Variants in C2CD3 observed in about 807,000 individuals in gnomAD.
C2CD3 encodes C2 domain containing 3 centriole elongation regulator.
In C2CD3, 148 loss-of-function variants were observed where a neutral mutation model predicts 234.0. That is an observed-to-expected ratio of 0.63 (90% CI 0.55 to 0.72). C2CD3 has a LOEUF of 0.72. Among genes scored for constraint, C2CD3 ranks in the 30% least tolerant of loss-of-function variants. The pLI, the probability that C2CD3 is intolerant of heterozygous loss-of-function variation, is 0.00. For synonymous variants in C2CD3, 1,000 were observed against 1,035.4 expected (o/e 0.97, Z 0.66); for missense variants, 2,577 against 2,811.5 (o/e 0.92, Z 1.89).
chr11:74,160,415 AT>A (rs1488764185), intron 3 of C2CD3, among the ~76,000 whole-genome samples: 17 of 152,174 alleles, frequency 1.1e-4, no homozygotes, highest in African/African-American at 4.1e-4. Flanking sequence ...ATAAAAAAGA[AT>A]GAAATCCTGC....
chr11:74,133,752 A>G (rs1957759299), intron 5 of C2CD3, 195 bp from the exon 6 acceptor site: 4 of 588,960 alleles, frequency 6.8e-6, no homozygotes, highest in South Asian at 2.1e-5. Flanking sequence ...TCTACTGTGC[A>G]CTGTTTTAGA....
chr11:74,170,691 C>T (rs749849375), intron 1 of C2CD3, 47 bp downstream of exon 1: 2 of 1,611,580 alleles, frequency 1.2e-6, no homozygotes, highest in Admixed American at 1.7e-5. Flanking sequence ...TTCCTTACAC[C>T]CTGCTCTCCT....
intron 8 of C2CD3, among the ~76,000 whole-genome samples, chr11:74,122,518 G>T (rs1327020602): frequency 6.6e-6 from 1 of 152,154 alleles, no homozygotes; most frequent in Non-Finnish European, 1.5e-5. Flanking sequence ...AGAGCATAAG[G>T]CTTGATAGAA....
intron 26 of C2CD3, among the ~76,000 whole-genome samples, chr11:74,050,712 TTTG>T (rs1953634335): frequency 3.4e-5 from 5 of 147,338 alleles, no homozygotes; most frequent in African/African-American, 1.4e-4. Flanking sequence ...ATAACATTTG[TTTG>T]GACAGCTTGC....
chr11:74,140,164 C>T (rs1275238377), intron 3 of C2CD3, among the ~76,000 whole-genome samples: 2 of 151,828 alleles, frequency 1.3e-5, no homozygotes, highest in Non-Finnish European at 2.9e-5. Context: ...AAGGAATGTC[C>T]CCCATTCCTT....
intron 5 of C2CD3, 148 bp downstream of exon 5, chr11:74,138,572 G>T: frequency 1.5e-6 from 1 of 646,400 alleles, no homozygotes; most frequent in Non-Finnish European, 2.7e-6. Context: ...TCTTTAAATG[G>T]TGTGAGATGC....
At position 74,090,954 on chromosome 11, in the gene C2CD3, A is replaced by G; in HGVS notation, c.3518-18T>C. 6.2e-7 allele frequency: 1 copy of G among 1,612,646 alleles called. No homozygotes were observed. On this transcript the variant is annotated intron_variant, in intron 19 of 32. Coordinates refer to ENST00000334126, the MANE Select transcript of C2CD3 (RefSeq NM_001286577.2). ...CAGTAAACCTGAAGAATGAGGACAC[A>G]AGGAAAGAAGGTTGGTCAGAAGAAT... is the stretch of plus-strand genomic sequence containing the variant.
chr11:74,081,926 C>A (rs190554443), intron 22 of C2CD3, among the ~76,000 whole-genome samples: 1 of 152,224 alleles, frequency 6.6e-6, no homozygotes, highest in Non-Finnish European at 1.5e-5. Context: ...ATCATGTCAT[C>A]TGCAAACAGG....
chr11:74,132,549 T>C (rs1957710647), intron 7 of C2CD3, among the ~76,000 whole-genome samples: 1 of 152,220 alleles, frequency 6.6e-6, no homozygotes, highest in African/African-American at 2.4e-5. Context: ...GAATTTCCAC[T>C]TGTATCTGTT....
intron 3 of C2CD3, 63 bp downstream of exon 3, chr11:74,161,336 G>T (rs1176876305): frequency 3.1e-6 from 3 of 966,054 alleles, no homozygotes; most frequent in Non-Finnish European, 4.6e-6. Context: ...TCTACAAACA[G>T]ACTCAACTAT....
Position 74,138,682 on chromosome 11 carries a change from G to A in C2CD3, c.955+38C>T, listed in dbSNP as rs570622780. 170 of 1,548,110 alleles carry A rather than the reference G, an allele frequency of 1.1e-4. 3 individuals carry two copies. The South Asian group carries it at 1.7e-3, about 15-fold the overall frequency. ...TAACAAGCAGAGCAATCCCATAAAC[G>A]TAGTTTAGTCTGACTCAGTTCACAA... On this transcript the variant is annotated intron_variant, in intron 5 of 32. Coordinates refer to ENST00000334126, the MANE Select transcript of C2CD3 (RefSeq NM_001286577.2).
intron 24 of C2CD3, chr11:74,070,791 T>C (rs1201413385): frequency 6.6e-6 from 1 of 152,236 alleles, no homozygotes; most frequent in Non-Finnish European, 1.5e-5. Context: ...TTCTCACTAC[T>C]TTTTACTCAC....
chr11:74,143,887 A>C (rs1017664506), intron 3 of C2CD3, among the ~76,000 whole-genome samples: 1 of 152,164 alleles, frequency 6.6e-6, no homozygotes, highest in African/African-American at 2.4e-5. Flanking sequence ...TTTTAAGCTA[A>C]AAATTAAATT....
At position 74,138,769 on chromosome 11, in the gene C2CD3, GT is replaced by G; in HGVS notation, c.905del (p.Asp302AlafsTer20). On this transcript the variant is annotated frameshift_variant, in exon 5 of 33. Transcript: ENST00000334126. LOFTEE classifies it high-confidence loss of function. Reference protein sequence around the residue: ...QIRTVAKSHSDSCILSSNNLP... With the variant: ...QIRTVAKSHSXSCILSSNNLP... The stretch of plus-strand genomic sequence containing the variant: ...GGTTGTTTGAAGAAAGAATGCATGA[GT>G]CACTGTGACTCTTGGCAACTGTTCT... The G allele has an allele frequency of 6.2e-7, 1 of 1,612,616 alleles. No individual in the cohort carries two copies. The highest frequency in any genetic ancestry group is 8.5e-7 in the Non-Finnish European group (1 of 1,178,602).
At chr11:74,122,307 T>C (rs1222691199) in intron 8 of C2CD3, among the ~76,000 whole-genome samples, 1 of 152,212 alleles carries the variant, frequency 6.6e-6, no homozygotes, top group African/African-American at 2.4e-5. Context: ...TGTAAAAGTT[T>C]TCCCTGCTTC....
At chr11:74,088,881 C>T (rs1955766331) in intron 20 of C2CD3, among the ~76,000 whole-genome samples, 2 of 152,144 alleles carry the variant, frequency 1.3e-5, no homozygotes, top group South Asian at 4.1e-4. Context: ...GCTTGAATGC[C>T]AAGCTAAGGA....
Position 74,109,921 on chromosome 11 carries a change from AC to A in C2CD3, c.1844-770del, listed in dbSNP as rs201573025. Among the ~76,000 whole-genome samples the A allele has an allele frequency of 6.9e-4, 101 of 146,336 alleles. 1 individual carries two copies. The highest frequency in any genetic ancestry group is 2.1e-3 in the African/African-American group (80 of 38,308). The stretch of plus-strand genomic sequence containing the variant: ...CCCCGTCTCTACTAAAAATACAACA[AC>A]AAAAAAAAATTAGCTGGGCGCAGTG... On this transcript the variant is annotated intron_variant, in intron 11 of 32. Coordinates refer to ENST00000334126, the MANE Select transcript of C2CD3 (RefSeq NM_001286577.2).
chr11:74,157,077 T>A (rs1033548947), intron 3 of C2CD3, among the ~76,000 whole-genome samples: 1 of 152,256 alleles, frequency 6.6e-6, no homozygotes, highest in Non-Finnish European at 1.5e-5. Context: ...ATATGCAAAT[T>A]TGAATTTTCC....
intron 3 of C2CD3, among the ~76,000 whole-genome samples, chr11:74,157,707 C>A (rs1291445101): frequency 6.6e-6 from 1 of 152,050 alleles, no homozygotes; most frequent in Non-Finnish European, 1.5e-5. Flanking sequence ...ATACAATTGA[C>A]AAAGTATAAC....
Sources: allele counts gnomAD v4.1 joint callset (sites outside exome capture counted in the v4.1 genomes callset), GRCh38; gene constraint gnomAD v4.1.1; transcripts MANE v1.5; gene names NCBI Gene and HGNC (gene_info 2026-07-23, HGNC 2026-07-21).